The following NEIL3 variants were observed in gnomAD, a reference collection of about 807,000 sequenced individuals.
The protein encoded by NEIL3 is endonuclease 8-like 3.
NEIL3 carries 48 observed loss-of-function variants against 57.5 expected under a neutral mutation model. The ratio of observed to expected loss-of-function variants is 0.83; its 90% CI spans 0.66 to 1.06. The LOEUF (loss-of-function observed/expected upper bound fraction) is 1.06. NEIL3 is among the 50% of genes least tolerant of loss of function. The pLI, the probability that NEIL3 is intolerant of heterozygous loss-of-function variation, is 0.00. For missense variants in NEIL3, 717 were observed against 739.1 expected (o/e 0.97, Z 0.35); for synonymous variants, 261 against 253.2 (o/e 1.03, Z -0.29).
chr4:177,342,200 C>G (rs1373686919), intron 6 of NEIL3, among the ~76,000 whole-genome samples: 1 of 152,146 alleles, frequency 6.6e-6, no homozygotes, highest in Non-Finnish European at 1.5e-5. Context: ...CCTGACCAGA[C>G]TGGTGGTGGA....
At chr4:177,361,894 G>A (rs1027312711) in intron 9 of NEIL3, among the ~76,000 whole-genome samples, 3 of 152,118 alleles carry the variant, frequency 2.0e-5, no homozygotes, top group African/African-American at 4.8e-5. Context: ...CCAAAGTGCC[G>A]GGATTAAAGG....
At chr4:177,349,275 A>T (rs1307835132) in intron 6 of NEIL3, among the ~76,000 whole-genome samples, 1 of 151,982 alleles carries the variant, frequency 6.6e-6, no homozygotes, top group Non-Finnish European at 1.5e-5. Context: ...AAATGCATTC[A>T]CTCAAACGCT....
At chr4:177,351,249 T>TAA in intron 6 of NEIL3, 131 bp from the exon 7 acceptor site, 1 of 204,910 alleles carries the variant, frequency 4.9e-6, no homozygotes, top group Non-Finnish European at 9.0e-6. Flanking sequence ...GACTCTAAGA[T>TAA]ACAGTACTAA....
At chr4:177,339,085 C>T (rs906245) in intron 4 of NEIL3, among the ~76,000 whole-genome samples, 16,666 of 152,160 alleles carry the variant, frequency 0.11, 1,185 homozygotes, top group Non-Finnish European at 0.17. Context: ...TATTCATATA[C>T]GATTGACTCT....
intron 7 of NEIL3, 32 bp downstream of exon 7, chr4:177,351,581 C>A (rs377546915): frequency 4.6e-5 from 71 of 1,559,118 alleles, no homozygotes; most frequent in Non-Finnish European, 6.0e-5. Context: ...GAGTTTGTTA[C>A]ATTTCTAAGA....
intron 7 of NEIL3, among the ~76,000 whole-genome samples, chr4:177,352,279 C>A (rs1735371807): frequency 6.6e-6 from 1 of 152,252 alleles, no homozygotes; most frequent in Non-Finnish European, 1.5e-5. Flanking sequence ...TCACCCCTTG[C>A]ACAGCTTTGC....
At chr4:177,352,074 A>G (rs1225370579) in intron 7 of NEIL3, among the ~76,000 whole-genome samples, 1 of 152,224 alleles carries the variant, frequency 6.6e-6, no homozygotes, top group Non-Finnish European at 1.5e-5. Context: ...TCACGATTTC[A>G]TGCATTTAGG....
At chr4:177,315,847 G>C (rs1344766282) in intron 1 of NEIL3, among the ~76,000 whole-genome samples, 1 of 152,176 alleles carries the variant, frequency 6.6e-6, no homozygotes. Flanking sequence ...GATTATTTTA[G>C]AAATGATAGA....
chr4:177,327,386 A>G (rs944861446), intron 2 of NEIL3, among the ~76,000 whole-genome samples: 1 of 152,156 alleles, frequency 6.6e-6, no homozygotes, highest in Non-Finnish European at 1.5e-5. Context: ...GAATTAAAGC[A>G]GTTTTATTTT....
chr4:177,358,288 CTA>C (rs747353406), intron 8 of NEIL3, among the ~76,000 whole-genome samples: 2 of 151,902 alleles, frequency 1.3e-5, no homozygotes, highest in Non-Finnish European at 2.9e-5. Context: ...TCACACGTGG[CTA>C]TGTTTTTGTT....
chr4:177,361,708 CGTAA>C lies in NEIL3; in HGVS notation c.1636-577_1636-574del, dbSNP rs555011800. ...AATAGAATCTGTCTAATTCAGTCTG[CGTAA>C]GTATTTGATTCTTTCTTTTCCTAAG... On this transcript the variant is annotated intron_variant, in intron 9 of 9. Coordinates refer to ENST00000264596, the MANE Select transcript of NEIL3 (RefSeq NM_018248.3). Among the ~76,000 whole-genome samples the C allele has an allele frequency of 1.5e-3, 223 of 152,212 alleles. 1 individual carries two copies. Among genetic ancestry groups the C allele is most frequent in the Non-Finnish European group, 2.5e-3 (172 of 68,014 alleles).
chr4:177,365,460 A>T (rs1231643565), downstream of NEIL3, among the ~76,000 whole-genome samples: 1 of 152,180 alleles, frequency 6.6e-6, no homozygotes, highest in Non-Finnish European at 1.5e-5. Flanking sequence ...GCACAACAAC[A>T]CAATATGAAA....
rs551708610 is a variant in NEIL3 at position 177,320,939 on chromosome 4, T to C, written c.157-1520T>C. 6.6e-5 allele frequency among the ~76,000 whole-genome samples: 10 copies of C among 151,786 alleles called. No homozygotes were observed. In the South Asian group the frequency reaches 1.9e-3, roughly 28 times the overall value. On this transcript the variant is annotated intron_variant, in intron 1 of 9. Coordinates refer to ENST00000264596, the MANE Select transcript of NEIL3 (RefSeq NM_018248.3). The stretch of plus-strand genomic sequence containing the variant: ...CTATTTCAACCTTGAATGGGTTTAG[T>C]GGAAGAATAGTGTCTGTCTCTTTTT...
intron 6 of NEIL3, among the ~76,000 whole-genome samples, chr4:177,344,164 C>T (rs950422997): frequency 2.6e-5 from 4 of 152,126 alleles, no homozygotes; most frequent in Admixed American, 6.5e-5. Flanking sequence ...TCTTCCCTCC[C>T]GACCTGATTC....
intron 4 of NEIL3, among the ~76,000 whole-genome samples, chr4:177,338,877 C>A (rs1043325834): frequency 5.3e-5 from 8 of 151,770 alleles, no homozygotes; most frequent in African/African-American, 1.9e-4. Flanking sequence ...TTGAGTCCAG[C>A]AAGACTTCTC....
intron 6 of NEIL3, chr4:177,343,807 T>C (rs1408471286): frequency 6.6e-6 from 1 of 151,780 alleles, no homozygotes; most frequent in Non-Finnish European, 1.5e-5. Flanking sequence ...TAATTTTTTT[T>C]TATGAACAAG....
rs116298338 is a variant in NEIL3, at chr4:177,346,530, C to T, written c.870-4850C>T. On this transcript the variant is annotated intron_variant, in intron 6 of 9. Coordinates refer to ENST00000264596, the MANE Select transcript of NEIL3 (RefSeq NM_018248.3). ...CTTTGTTCCTATAGCTCTGTTTCTT[C>T]TGCCTCTCTTTCATGGGCTCCTTTT... is the stretch of plus-strand genomic sequence containing the variant. Among the ~76,000 whole-genome samples the T allele has an allele frequency of 4.4e-3, 673 of 152,274 alleles. 5 individuals carry two copies. Among genetic ancestry groups the T allele is most frequent in the African/African-American group, 0.015 (637 of 41,544 alleles).
chr4:177,325,117 G>A (rs1018855456), intron 2 of NEIL3, among the ~76,000 whole-genome samples: 1 of 152,092 alleles, frequency 6.6e-6, no homozygotes, highest in Non-Finnish European at 1.5e-5. Context: ...TGCCATTTTA[G>A]AAATGCCTTA....
intron 2 of NEIL3, among the ~76,000 whole-genome samples, chr4:177,333,254 C>T (rs980802114): frequency 3.9e-5 from 6 of 152,060 alleles, no homozygotes; most frequent in Admixed American, 3.9e-4. Context: ...TTTGTGCTTG[C>T]TTAAGGATGT....
Sources: gnomAD v4.1 joint callset for allele counts (sites outside exome capture counted in the v4.1 genomes callset) on GRCh38, gnomAD v4.1.1 for gene constraint, MANE v1.5 for transcripts, NCBI Gene and HGNC (gene_info 2026-07-23, HGNC 2026-07-21) for gene names.